The following CRACD variants were observed in gnomAD, a reference collection of about 807,000 sequenced individuals.
CRACD encodes capping protein inhibiting regulator of actin dynamics.
Under a neutral mutation model 106.8 loss-of-function variants are expected in CRACD, and 56 were observed. The ratio of observed to expected loss-of-function variants is 0.52; its 90% CI spans 0.42 to 0.66. The LOEUF (loss-of-function observed/expected upper bound fraction) is 0.66, where lower values mean the gene tolerates loss of function less well. Among genes scored for constraint, CRACD ranks in the 30% least tolerant of loss-of-function variants. The pLI, the probability that CRACD is intolerant of heterozygous loss-of-function variation, is 0.00. For synonymous variants in CRACD, 754 were observed against 670.8 expected (o/e 1.12, Z -1.92); for missense variants, 1,730 against 1,623.2 (o/e 1.07, Z -1.13).
chr4:56,165,594 C>T (rs1363972527), intron 1 of CRACD, among the ~76,000 whole-genome samples: 2 of 152,040 alleles, frequency 1.3e-5, no homozygotes, highest in Non-Finnish European at 2.9e-5. Flanking sequence ...AAAGGTTATA[C>T]CTTTAAGAGA....
Position 56,214,681 on chromosome 4 carries a change from C to CTCTCTCTATATATATATATATATATATA in CRACD, c.-189+35252_-189+35253insCTCTCTATATATATATATATATATATAT. ...TCTCTCTCTCTCTCTCTCTCTCTCT[C>CTCTCTCTATATATATATATATATATATA]TATATATATATATATCAAACAGTTA... On this transcript the variant is annotated intron_variant, in intron 2 of 10. Transcript: ENST00000682029. Among the ~76,000 whole-genome samples, 3 of 80,986 alleles carry CTCTCTCTATATATATATATATATATATA rather than the reference C, an allele frequency of 3.7e-5. No homozygotes were observed. In the Admixed American group the frequency reaches 4.0e-4, roughly 11 times the overall value. 53.1% of individuals were successfully genotyped at this position (80,986 alleles called of 152,430 possible).
chr4:56,188,321 G>T (rs1737172717), intron 2 of CRACD, among the ~76,000 whole-genome samples: 1 of 151,944 alleles, frequency 6.6e-6, no homozygotes, highest in African/African-American at 2.4e-5. Flanking sequence ...TAATAATATA[G>T]AACTTAAGAA....
intron 1 of CRACD, among the ~76,000 whole-genome samples, chr4:56,080,677 A>G (rs1732991505): frequency 6.6e-6 from 1 of 152,242 alleles, no homozygotes; most frequent in Admixed American, 6.5e-5. Context: ...GTAAATGGTG[A>G]TAGCTTGCCA....
At chr4:56,239,711 C>T (rs550263991) in intron 2 of CRACD, among the ~76,000 whole-genome samples, 32 of 152,216 alleles carry the variant, frequency 2.1e-4, no homozygotes, top group African/African-American at 6.7e-4. Context: ...GTTAAATAAA[C>T]CTTTGTGATA....
chr4:56,153,726 G>A (rs1735668210), intron 1 of CRACD, among the ~76,000 whole-genome samples: 2 of 152,156 alleles, frequency 1.3e-5, no homozygotes, highest in Admixed American at 6.5e-5. Flanking sequence ...CACATCTCAT[G>A]TTCCTCTTTC....
chr4:56,210,611 G>A (rs779945694), intron 2 of CRACD, among the ~76,000 whole-genome samples: 1 of 152,186 alleles, frequency 6.6e-6, no homozygotes, highest in Admixed American at 6.5e-5. Flanking sequence ...TTAAACAAAG[G>A]CAAGGTTTGT....
intron 2 of CRACD, among the ~76,000 whole-genome samples, chr4:56,214,907 G>A (rs1738603410): frequency 6.6e-6 from 1 of 151,334 alleles, no homozygotes; most frequent in Admixed American, 6.6e-5. Context: ...GGCTGAGGCA[G>A]GAGAATCATG....
intron 2 of CRACD, among the ~76,000 whole-genome samples, chr4:56,221,114 A>C (rs1168439308): frequency 2.0e-5 from 3 of 152,180 alleles, no homozygotes; most frequent in Non-Finnish European, 2.9e-5. Flanking sequence ...GTGCCAAGCT[A>C]GGGAGTTGAA....
intron 1 of CRACD, among the ~76,000 whole-genome samples, chr4:56,072,142 AAAG>A (rs1301885427): frequency 0.03 from 4,508 of 149,816 alleles, 210 homozygotes; most frequent in African/African-American, 0.11. Flanking sequence ...AAAAAAAAAA[AAAG>A]AAAAGTTTCA....
chr4:56,219,957 G>T (rs547299918), intron 2 of CRACD, among the ~76,000 whole-genome samples: 4 of 152,144 alleles, frequency 2.6e-5, no homozygotes, highest in Non-Finnish European at 5.9e-5. Flanking sequence ...GTATAATACT[G>T]CAGGCAGATA....
chr4:56,172,436 C>T (rs1736406971), intron 1 of CRACD, among the ~76,000 whole-genome samples: 4 of 152,164 alleles, frequency 2.6e-5, no homozygotes, highest in Middle Eastern at 3.2e-3. Context: ...CAGAAGTGAA[C>T]GAATCTTGGA....
intron 2 of CRACD, among the ~76,000 whole-genome samples, chr4:56,208,608 C>G (rs1738244574): frequency 6.6e-6 from 1 of 152,140 alleles, no homozygotes. Context: ...CTAAAATACA[C>G]CTTAAAGAAG....
intron 3 of CRACD, among the ~76,000 whole-genome samples, chr4:56,289,703 AAC>A (rs1491462845): frequency 4.0e-5 from 6 of 151,792 alleles, no homozygotes; most frequent in Non-Finnish European, 8.8e-5. Context: ...AAAAAAAAAA[AAC>A]AAAGTAAAAC....
intron 1 of CRACD, among the ~76,000 whole-genome samples, chr4:56,086,703 C>T (rs1247430447): frequency 2.0e-5 from 3 of 152,102 alleles, no homozygotes; most frequent in African/African-American, 7.2e-5. Context: ...CGTCACTTTC[C>T]CGGCACCGCC....
intron 4 of CRACD, among the ~76,000 whole-genome samples, chr4:56,304,771 G>T (rs1397497782): frequency 6.6e-6 from 1 of 151,842 alleles, no homozygotes; most frequent in African/African-American, 2.4e-5. Flanking sequence ...AACAGAAGGA[G>T]ACCCCAACTC....
At chr4:56,082,444 G>A (rs1030145688) in intron 1 of CRACD, among the ~76,000 whole-genome samples, 3 of 152,208 alleles carry the variant, frequency 2.0e-5, no homozygotes, top group Non-Finnish European at 4.4e-5. Context: ...GGCCACTGTG[G>A]AAGGAAGGCA....
chr4:56,155,898 A>G (rs763924411), intron 1 of CRACD, among the ~76,000 whole-genome samples: 4 of 152,188 alleles, frequency 2.6e-5, no homozygotes, highest in Non-Finnish European at 4.4e-5. Flanking sequence ...TTTTCATTCA[A>G]ATTTGCCTTT....
chr4:56,143,433 T>C (rs935290865), intron 1 of CRACD, among the ~76,000 whole-genome samples: 4 of 152,162 alleles, frequency 2.6e-5, no homozygotes, highest in Admixed American at 2.6e-4. Context: ...ACAGGTCTTC[T>C]GTCTTATTCC....
intron 1 of CRACD, among the ~76,000 whole-genome samples, chr4:56,127,537 T>G (rs966041529): frequency 1.3e-5 from 2 of 152,242 alleles, no homozygotes; most frequent in African/African-American, 4.8e-5. Context: ...TTCTCTCTTC[T>G]TCTGCCTTAA....
Sources: allele counts gnomAD v4.1 joint callset (sites outside exome capture counted in the v4.1 genomes callset), GRCh38; gene constraint gnomAD v4.1.1; transcripts MANE v1.5; gene names NCBI Gene and HGNC (gene_info 2026-07-23, HGNC 2026-07-21).